Variants in MAML2 observed in about 807,000 individuals in gnomAD.
MAML2 encodes the protein mastermind like transcriptional coactivator 2.
In MAML2, 22 loss-of-function variants were observed where a neutral mutation model predicts 96.1. That is an observed-to-expected ratio of 0.23 (90% confidence interval 0.16 to 0.33). The LOEUF (loss-of-function observed/expected upper bound fraction) is 0.33, where lower values mean the gene tolerates loss of function less well. Among genes scored for constraint, MAML2 ranks in the 10% least tolerant of loss-of-function variants. The pLI is 1.00. For missense variants in MAML2, 1,367 were observed against 1,392.4 expected (o/e 0.98, Z 0.29); for synonymous variants, 561 against 521.3 (o/e 1.08, Z -1.04).
chr11:96,313,747 G>C (rs538525864), intron 1 of MAML2, among the ~76,000 whole-genome samples: 26 of 152,268 alleles, frequency 1.7e-4, no homozygotes, highest in African/African-American at 6.3e-4. Flanking sequence ...TTTAGGAAGT[G>C]ATCTAGTGTT....
intron 1 of MAML2, among the ~76,000 whole-genome samples, chr11:96,267,939 A>G (rs1358758030): frequency 1.3e-5 from 2 of 152,192 alleles, no homozygotes; most frequent in Non-Finnish European, 2.9e-5. Context: ...AGTTTCTTTT[A>G]TAGGAAGAGG....
In MAML2 at chr11:96,092,554, G is replaced by A; in HGVS notation, c.1477C>T (p.Gln493Ter). 1 of 1,604,136 alleles carries A rather than the reference G, an allele frequency of 6.2e-7. No individual in the cohort carries two copies. The highest frequency in any genetic ancestry group is 8.5e-7 in the Non-Finnish European group (1 of 1,173,428). Reference sequence around the variant, plus strand: ...GCTACCCCAGGCATGGGGGAGCTCTGTGGGCTGAATGTCTGCTGACCAAAA... The same window carrying A: ...GCTACCCCAGGCATGGGGGAGCTCTATGGGCTGAATGTCTGCTGACCAAAA... ...PSFGQQTFSP[Q>*]SSPMPGVAGG... Residue 493 changes from glutamine (Q) to a stop codon, truncating the protein, a stop_gained, in exon 2 of 5, where the codon CAG becomes TAG. Transcript: ENST00000524717. LOFTEE classifies it high-confidence loss of function. This position sits in a 1 kb window ranked among gnomAD's most constrained non-coding sequence, Gnocchi z 4.1.
chr11:96,123,138 C>G (rs1461006706), intron 1 of MAML2, among the ~76,000 whole-genome samples: 1 of 152,136 alleles, frequency 6.6e-6, no homozygotes, highest in African/African-American at 2.4e-5. Context: ...GTCTTACTGC[C>G]CCCACTGCTG....
chr11:96,316,347 C>T (rs1201110502), intron 1 of MAML2, among the ~76,000 whole-genome samples: 1 of 152,080 alleles, frequency 6.6e-6, no homozygotes, highest in Non-Finnish European at 1.5e-5. Flanking sequence ...GGAACCAATA[C>T]ATAAATAAAC....
chr11:96,153,765 G>A (rs1251791420), intron 1 of MAML2, among the ~76,000 whole-genome samples: 1 of 151,998 alleles, frequency 6.6e-6, no homozygotes, highest in African/African-American at 2.4e-5. Context: ...CAAAAAATTT[G>A]CTGTGTGTGG....
intron 1 of MAML2, among the ~76,000 whole-genome samples, chr11:96,239,970 T>C (rs1325159419): frequency 1.3e-5 from 2 of 152,176 alleles, no homozygotes; most frequent in Non-Finnish European, 2.9e-5. Context: ...GTAGAGATCA[T>C]TGAGATTAAG....
chr11:96,032,838 C>G (rs1409602630), intron 2 of MAML2, among the ~76,000 whole-genome samples: 2 of 152,092 alleles, frequency 1.3e-5, no homozygotes, highest in African/African-American at 4.8e-5. Context: ...AAATTCTGTA[C>G]AACACTACAG....
intron 2 of MAML2, among the ~76,000 whole-genome samples, chr11:96,022,895 A>G (rs1858457438): frequency 6.6e-6 from 1 of 152,224 alleles, no homozygotes; most frequent in Non-Finnish European, 1.5e-5. Flanking sequence ...GGACTAGGCC[A>G]GTAGACATGA....
intron 1 of MAML2, among the ~76,000 whole-genome samples, chr11:96,325,149 C>T (rs1159545340): frequency 6.6e-6 from 1 of 151,764 alleles, no homozygotes. Flanking sequence ...GGGTGTATGT[C>T]TGGGAGCTGA....
chr11:96,026,235 C>T (rs539818005), intron 2 of MAML2, among the ~76,000 whole-genome samples: 3 of 152,230 alleles, frequency 2.0e-5, no homozygotes, highest in Non-Finnish European at 2.9e-5. Context: ...AGGAATCACA[C>T]TTTGGCCAGC....
At chr11:96,021,342 T>C (rs1329542174) in intron 2 of MAML2, among the ~76,000 whole-genome samples, 2 of 152,226 alleles carry the variant, frequency 1.3e-5, no homozygotes, top group African/African-American at 4.8e-5. Flanking sequence ...AATCGATATA[T>C]TTCAGGTTTC....
intron 2 of MAML2, among the ~76,000 whole-genome samples, chr11:96,062,303 T>C (rs1859174254): frequency 6.6e-6 from 1 of 152,196 alleles, no homozygotes; most frequent in Admixed American, 6.5e-5. Context: ...AGTGAGATGA[T>C]GTAGTATTTC....
In MAML2 at chr11:96,092,222, CT is replaced by C. The variant is rs1859730269; in HGVS notation, c.1808del (p.Gln603ArgfsTer78). 1.8e-6 allele frequency: 1 copy of C among 568,318 alleles called. No homozygotes were observed. The highest frequency in any genetic ancestry group is 1.2e-4 in the East Asian group (1 of 8,044). The allele number at this position is 568,318 out of a possible 1,614,324, so 35.2% of individuals were successfully genotyped here. Reference protein sequence around the residue: ...QQQQQQQQQQQQQQQQQQQQQ... With the variant: ...QQQQQQQQQQXQQQQQQQQQQ... ...GCTGCTGCTGCTGTTGCTGCTGCTG[CT>C]GCTGCTGCTGCTGCTGCTGCTGCTG... On this transcript the variant is annotated frameshift_variant, in exon 2 of 5. Transcript: ENST00000524717. LOFTEE classifies it high-confidence loss of function. The surrounding 1 kb of genome is among the most constrained non-coding windows in gnomAD (Gnocchi z 4.1).
At chr11:96,053,149 A>G (rs1859013533) in intron 2 of MAML2, among the ~76,000 whole-genome samples, 1 of 152,252 alleles carries the variant, frequency 6.6e-6, no homozygotes, top group Non-Finnish European at 1.5e-5. Context: ...TTGTTCATGT[A>G]ACACAGAATA....
intron 2 of MAML2, among the ~76,000 whole-genome samples, chr11:96,010,941 G>T (rs771290436): frequency 2.6e-5 from 4 of 152,116 alleles, no homozygotes; most frequent in Non-Finnish European, 5.9e-5. Flanking sequence ...ATTCTTTAAA[G>T]TTTAAAAATA....
intron 1 of MAML2, among the ~76,000 whole-genome samples, chr11:96,245,112 C>G (rs7942358): frequency 2.6e-5 from 4 of 151,990 alleles, no homozygotes; most frequent in Non-Finnish European, 4.4e-5. Context: ...ATATAATACT[C>G]AGTGTATCTC....
rs539622314 is a variant in MAML2, at chr11:96,341,587, T to A, written c.309A>T (p.Thr103=). Residue 103 remains threonine (T), a synonymous_variant, in exon 1 of 5, where the codon ACA becomes ACT. Transcript: ENST00000524717. ...TKATATAATT[T]APPPPPAAPP... is the part of the protein sequence containing the mutation. ...GGGCAGCAGGGGGCGGTGGAGGGGC[T>A]GTAGTGGTGGCAGCAGTGGCGGTGG... is the stretch of plus-strand genomic sequence containing the variant. The A allele has an allele frequency of 3.9e-6, 6 of 1,551,534 alleles. No individual in the cohort carries two copies. In the South Asian group the frequency reaches 4.8e-5, roughly 12 times the overall value.
intron 1 of MAML2, among the ~76,000 whole-genome samples, chr11:96,201,332 A>T (rs1340574484): frequency 2.6e-5 from 4 of 152,300 alleles, no homozygotes; most frequent in Admixed American, 2.0e-4. Context: ...TAATTGCCTA[A>T]AAGGACCGTT....
intron 1 of MAML2, among the ~76,000 whole-genome samples, chr11:96,285,997 T>A (rs551859192): frequency 5.3e-5 from 8 of 152,276 alleles, no homozygotes; most frequent in African/African-American, 1.9e-4. Context: ...GGAATATAGA[T>A]CATTCTATTA....
Sources: gnomAD v4.1 joint callset for allele counts (sites outside exome capture counted in the v4.1 genomes callset) on GRCh38, gnomAD v4.1.1 for gene constraint, Gnocchi (gnomAD v3.1) non-coding constraint, MANE v1.5 for transcripts, NCBI Gene and HGNC (gene_info 2026-07-23, HGNC 2026-07-21) for gene names.